Variants in FXYD5 observed in about 807,000 individuals in gnomAD.
FXYD5 encodes FXYD domain-containing ion transport regulator 5.
Under a neutral mutation model 25.7 loss-of-function variants are expected in FXYD5, and 21 were observed. That is an observed-to-expected ratio of 0.82 (90% CI 0.58 to 1.18). The LOEUF is 1.18. Ranked by LOEUF, FXYD5 falls within the 50% of genes most tolerant of loss-of-function variation. The pLI is 0.00. For synonymous variants in FXYD5, 101 were observed against 90.7 expected (o/e 1.11, Z -0.64); for missense variants, 229 against 227.7 (o/e 1.01, Z -0.04).
Position 35,169,053 on chromosome 19 carries a change from ACT to A in FXYD5, c.488-510_488-509del, listed in dbSNP as rs1257356909. ...ATTCCAGCCTGGGTGACACAGCAAG[ACT>A]CTGTCTCAAAAAAAAAAAAAAAAAG... On this transcript the variant is annotated intron_variant, in intron 8 of 8. Transcript: ENST00000392219. Among the ~76,000 whole-genome samples the A allele has an allele frequency of 2.5e-5, 3 of 121,078 alleles. No homozygotes were observed. The East Asian group carries it at 7.0e-4, about 28-fold the overall frequency. The allele number at this position is 121,078 out of a possible 152,430, so 79.4% of individuals were successfully genotyped here.
intron 4 of FXYD5, among the ~76,000 whole-genome samples, 159 bp downstream of exon 4, chr19:35,158,559 T>C (rs2065377920): frequency 6.6e-6 from 1 of 152,240 alleles, no homozygotes; most frequent in Non-Finnish European, 1.5e-5. Flanking sequence ...CTCCATTCAA[T>C]TCTTTAGAAA....
At chr19:35,155,450 T>A in intron 1 of FXYD5, 101 bp from the exon 2 acceptor site, 3 of 963,412 alleles carry the variant, frequency 3.1e-6, no homozygotes, top group Non-Finnish European at 5.0e-6. Flanking sequence ...AAGCCAGAGG[T>A]TTTTGCTCAG....
intron 8 of FXYD5, among the ~76,000 whole-genome samples, chr19:35,167,616 G>A: frequency 6.6e-6 from 1 of 152,244 alleles, no homozygotes; most frequent in East Asian, 1.9e-4. Context: ...CGAGCTATCA[G>A]TTAATCTGTA....
In FXYD5 at chr19:35,155,582, C is replaced by G. The variant is rs547648030; in HGVS notation, c.32C>G (p.Thr11Ser). Residue 11 changes from threonine (T) to serine (S), a missense_variant, in exon 2 of 9, where the codon ACC (threonine) becomes AGC (serine). Transcript: ENST00000392219. MSPSGRLCLLTIVGLILPTRG... is the reference protein window; with the variant it reads MSPSGRLCLLSIVGLILPTRG... Reference sequence around the variant, plus strand: ...CCCTCTGGTCGCCTGTGTCTTCTCACCATCGTTGGCCTGATTCTCCCCACC... The same window carrying G: ...CCCTCTGGTCGCCTGTGTCTTCTCAGCATCGTTGGCCTGATTCTCCCCACC... 24 of 1,610,710 alleles carry G rather than the reference C, an allele frequency of 1.5e-5. No homozygotes were observed. In the East Asian group the frequency reaches 4.9e-4, roughly 33 times the overall value.
chr19:35,167,028 C>G (rs1034340390), intron 8 of FXYD5, among the ~76,000 whole-genome samples: 6 of 152,202 alleles, frequency 3.9e-5, no homozygotes, highest in African/African-American at 1.4e-4. Context: ...CCCACTCAAT[C>G]CAGCAAGAAT....
At chr19:35,156,438 G>A (rs2065356183) in intron 2 of FXYD5, among the ~76,000 whole-genome samples, 1 of 152,246 alleles carries the variant, frequency 6.6e-6, no homozygotes, top group African/African-American at 2.4e-5. Context: ...AGAGAGACAA[G>A]TTAGTAAATT....
chr19:35,162,168 A>T (rs1405229962), intron 5 of FXYD5, among the ~76,000 whole-genome samples: 1 of 152,196 alleles, frequency 6.6e-6, no homozygotes, highest in African/African-American at 2.4e-5. Context: ...TCCTGGATAT[A>T]TGTGACAGAA....
chr19:35,159,584 T>C (rs780734815), intron 4 of FXYD5: 1 of 1,550,664 alleles, frequency 6.4e-7, no homozygotes, highest in Non-Finnish European at 8.7e-7. Context: ...CAGCTTTTTC[T>C]GTCTACACAC....
At chr19:35,157,056 C>T (rs2065362308) in intron 2 of FXYD5, 1 of 221,290 alleles carries the variant, frequency 4.5e-6, no homozygotes. Flanking sequence ...CAGTTATTAT[C>T]CCTGCTTTGC....
At chr19:35,155,802 G>A (rs562195399) in intron 2 of FXYD5, among the ~76,000 whole-genome samples, 191 bp downstream of exon 2, 179 of 152,340 alleles carry the variant, frequency 1.2e-3, no homozygotes, top group African/African-American at 4.1e-3. Flanking sequence ...CCTCAGACCC[G>A]GGTGGCTGCT....
intron 8 of FXYD5, among the ~76,000 whole-genome samples, chr19:35,167,032 CAAG>C (rs1409317977): frequency 6.6e-6 from 1 of 152,162 alleles, no homozygotes; most frequent in Admixed American, 6.5e-5. Flanking sequence ...CTCAATCCAG[CAAG>C]AATAGAGGCT....
chr19:35,159,562 G>A (rs1258152942), intron 4 of FXYD5: 14 of 1,550,608 alleles, frequency 9.0e-6, no homozygotes, highest in Middle Eastern at 3.3e-4. Flanking sequence ...TGATGAACAT[G>A]TTGGCTGTTT....
Position 35,169,665 on chromosome 19 carries a change from C to A in FXYD5, c.*50C>A, listed in dbSNP as rs948930279. On this transcript the variant is annotated 3_prime_UTR_variant, in exon 9 of 9. Transcript: ENST00000392219. ...ACCTGCTGGGCACCCGAAGACCAAG[C>A]CCCCTGCCAGCTCACCGTGCCCAGC... 7 of 1,240,950 alleles carry A rather than the reference C, an allele frequency of 5.6e-6. No homozygotes were observed. In the Admixed American group the frequency reaches 1.2e-4, roughly 21 times the overall value. The allele number at this position is 1,240,950 out of a possible 1,614,324, so 76.9% of individuals were successfully genotyped here. A position where few individuals can be genotyped will look rare whatever the true frequency, so the allele number is the denominator to read the frequency against.
intron 6 of FXYD5, among the ~76,000 whole-genome samples, chr19:35,164,472 A>G (rs1201326852): frequency 6.6e-6 from 1 of 152,240 alleles, no homozygotes; most frequent in Non-Finnish European, 1.5e-5. Flanking sequence ...GTGGCTTAAA[A>G]GGATAACCAT....
chr19:35,168,978 G>A (rs1229548016), intron 8 of FXYD5, among the ~76,000 whole-genome samples: 2 of 151,130 alleles, frequency 1.3e-5, no homozygotes, highest in African/African-American at 4.9e-5. Context: ...CGGGAGAATC[G>A]CTTGAATCCA....
intron 4 of FXYD5, among the ~76,000 whole-genome samples, chr19:35,158,685 A>G (rs571528212): frequency 6.6e-6 from 1 of 152,286 alleles, no homozygotes; most frequent in East Asian, 1.9e-4. Context: ...GTAACTACCA[A>G]CCGGGTCAAG....
Position 35,155,528 on chromosome 19 carries a change from C to T in FXYD5, c.1-23C>T, listed in dbSNP as rs2065345495. 2.5e-6 allele frequency: 4 copies of T among 1,602,698 alleles called. No homozygotes were observed. In the South Asian group the frequency reaches 3.3e-5, roughly 13 times the overall value. ...CGGTCTCACTGACATCATGGCTGAC[C>T]CCAGCATCGCCTGGTCCCACAGATG... On this transcript the variant is annotated intron_variant, in intron 1 of 8. Transcript: ENST00000392219.
chr19:35,155,703 A>G (rs2065348039), intron 2 of FXYD5, 92 bp downstream of exon 2: 2 of 928,308 alleles, frequency 2.2e-6, no homozygotes, highest in East Asian at 2.4e-5. Context: ...GCCCGTGTGA[A>G]CGTTGTCCTG....
At chr19:35,160,503 C>T (rs979267198) in intron 4 of FXYD5, among the ~76,000 whole-genome samples, 4 of 152,104 alleles carry the variant, frequency 2.6e-5, no homozygotes, top group Admixed American at 1.3e-4. Context: ...TGAGCGACCA[C>T]GCCCAGCTAA....
Sources: allele counts gnomAD v4.1 joint callset (sites outside exome capture counted in the v4.1 genomes callset), GRCh38; gene constraint gnomAD v4.1.1; transcripts MANE v1.5; gene names NCBI Gene and HGNC (gene_info 2026-07-23, HGNC 2026-07-21).